RBFOX1: variants seen among roughly 807,000 people sequenced by gnomAD.
RBFOX1 encodes RNA binding protein fox-1 homolog 1.
In RBFOX1, 8 loss-of-function variants were observed where a neutral mutation model predicts 57.7. The observed-to-expected ratio is 0.14, with a 90% CI of 0.08 to 0.25. The LOEUF is 0.25. Among genes scored for constraint, RBFOX1 ranks in the 10% least tolerant of loss-of-function variants. The pLI is 1.00. For synonymous variants in RBFOX1, 326 were observed against 222.4 expected, an observed-to-expected ratio of 1.47 and a Z score of -4.15; for missense variants, 611 against 548.5, an observed-to-expected ratio of 1.11 and a Z score of -1.14.
intron 3 of RBFOX1, among the ~76,000 whole-genome samples, chr16:5,726,276 G>T (rs555694302): frequency 6.6e-6 from 1 of 151,716 alleles, no homozygotes; most frequent in African/African-American, 2.4e-5. Flanking sequence ...CTCCCTTTCT[G>T]GGGATGTATT....
intron 1 of RBFOX1, among the ~76,000 whole-genome samples, chr16:5,404,598 T>C (rs376300245): frequency 6.6e-6 from 1 of 152,182 alleles, no homozygotes; most frequent in East Asian, 1.9e-4. Flanking sequence ...GCTCCTTTCT[T>C]CACCTGATGG....
intron 1 of RBFOX1, among the ~76,000 whole-genome samples, chr16:5,428,189 G>A (rs2151505418): frequency 6.6e-6 from 1 of 152,112 alleles, no homozygotes; most frequent in East Asian, 1.9e-4. Flanking sequence ...GCATGCATTT[G>A]GAGTCCTTAC....
intron 3 of RBFOX1, among the ~76,000 whole-genome samples, chr16:5,762,310 G>T (rs1399377135): frequency 6.8e-6 from 1 of 147,452 alleles, no homozygotes; most frequent in Non-Finnish European, 1.5e-5. Flanking sequence ...AGTGAAATAA[G>T]ACATAATTTT....
chr16:5,886,678 A>G (rs761468001), intron 4 of RBFOX1, among the ~76,000 whole-genome samples: 1 of 152,210 alleles, frequency 6.6e-6, no homozygotes, highest in African/African-American at 2.4e-5. Context: ...ATCTGAGGTC[A>G]GGAGTTTTGG....
intron 1 of RBFOX1, among the ~76,000 whole-genome samples, chr16:6,307,167 C>T (rs866740316): frequency 2.6e-5 from 4 of 152,168 alleles, no homozygotes; most frequent in African/African-American, 9.7e-5. Flanking sequence ...CCCCCTAGGT[C>T]ATCCTCAAAA....
At chr16:5,611,818 C>A (rs2047822583) in intron 3 of RBFOX1, among the ~76,000 whole-genome samples, 1 of 132,924 alleles carries the variant, frequency 7.5e-6, no homozygotes, top group Non-Finnish European at 1.6e-5. Context: ...ACCCACCCAC[C>A]CATTCATCTA....
chr16:7,457,538 A>C (rs532335135), intron 4 of RBFOX1, among the ~76,000 whole-genome samples: 1 of 152,180 alleles, frequency 6.6e-6, no homozygotes, highest in Non-Finnish European at 1.5e-5. Flanking sequence ...TTCTTCATGC[A>C]GTGACTTTGG....
intron 1 of RBFOX1, among the ~76,000 whole-genome samples, chr16:5,259,452 T>C (rs2062675229): frequency 6.6e-6 from 1 of 152,150 alleles, no homozygotes. Context: ...CAAGCTGGGC[T>C]CTTTGACTCC....
chr16:6,600,542 TGTG>T (rs2097841165), intron 2 of RBFOX1, among the ~76,000 whole-genome samples: 1 of 152,218 alleles, frequency 6.6e-6, no homozygotes, highest in South Asian at 2.1e-4. Context: ...AGACGAACGC[TGTG>T]GTGATTATAA....
Position 5,796,743 on chromosome 16 carries a change from C to G in RBFOX1, c.319-70560C>G, listed in dbSNP as rs973602977. ...AAGTAATTTGCCTGTGGTCATCCAG[C>G]TAGAAGGAGACAATGCTAAGATTCA... On this transcript the variant is annotated intron_variant, in intron 3 of 19. Transcript: ENST00000641259. Among the ~76,000 whole-genome samples the G allele has an allele frequency of 3.3e-5, 5 of 152,318 alleles. No individual in the cohort carries two copies. The South Asian group carries it at 1.0e-3, about 32-fold the overall frequency.
chr16:6,639,722 A>C (rs905169046), intron 2 of RBFOX1, among the ~76,000 whole-genome samples: 2 of 152,026 alleles, frequency 1.3e-5, no homozygotes, highest in Non-Finnish European at 2.9e-5. Context: ...TAAAAATACA[A>C]AACCAAATTA....
chr16:7,705,008 C>T (rs1163456022), intron 14 of RBFOX1, among the ~76,000 whole-genome samples: 1 of 148,496 alleles, frequency 6.7e-6, no homozygotes. Context: ...CATGTCACTG[C>T]ACTCCAGCCG....
intron 2 of RBFOX1, among the ~76,000 whole-genome samples, chr16:6,529,934 C>G (rs1000634612): frequency 6.6e-6 from 1 of 152,134 alleles, no homozygotes; most frequent in Non-Finnish European, 1.5e-5. Context: ...GCATATTCTT[C>G]CCCTTCCCCT....
intron 1 of RBFOX1, among the ~76,000 whole-genome samples, chr16:5,389,150 C>T (rs1179664083): frequency 6.6e-6 from 1 of 151,728 alleles, no homozygotes; most frequent in Non-Finnish European, 1.5e-5. Flanking sequence ...GAGATCGCGC[C>T]ACTGCACTCC....
chr16:5,247,055 T>C (rs998868885), intron 1 of RBFOX1, among the ~76,000 whole-genome samples: 11 of 152,228 alleles, frequency 7.2e-5, no homozygotes, highest in African/African-American at 2.7e-4. Flanking sequence ...CTTAACGTAA[T>C]ATCCTCCAGG....
intron 4 of RBFOX1, among the ~76,000 whole-genome samples, chr16:7,407,092 G>A (rs1034848678): frequency 6.6e-6 from 1 of 152,120 alleles, no homozygotes; most frequent in African/African-American, 2.4e-5. Context: ...AGGTTTTTGG[G>A]GGAACGGGTG....
chr16:7,137,375 TG>T (rs1157494717), intron 4 of RBFOX1, among the ~76,000 whole-genome samples: 1 of 152,162 alleles, frequency 6.6e-6, no homozygotes, highest in African/African-American at 2.4e-5. Flanking sequence ...AATCGAATTG[TG>T]GGGGTAGTTT....
chr16:6,317,488 C>T (rs768228338), intron 2 of RBFOX1, among the ~76,000 whole-genome samples: 2 of 151,728 alleles, frequency 1.3e-5, no homozygotes, highest in Admixed American at 6.6e-5. Context: ...CATTTAAGAA[C>T]AGTTCATTTG....
At chr16:5,878,682 T>G (rs1036500438) in intron 4 of RBFOX1, among the ~76,000 whole-genome samples, 1 of 150,136 alleles carries the variant, frequency 6.7e-6, no homozygotes, top group Non-Finnish European at 1.5e-5. Context: ...CTCACCGGAA[T>G]GACAATCGGG....
Sources: gnomAD v4.1 joint callset for allele counts (sites outside exome capture counted in the v4.1 genomes callset) on GRCh38, gnomAD v4.1.1 for gene constraint, MANE v1.5 for transcripts, NCBI Gene and HGNC (gene_info 2026-07-23, HGNC 2026-07-21) for gene names.